Variants in PCNX1 observed in about 807,000 individuals in gnomAD.
PCNX1 encodes pecanex 1.
A neutral mutation model predicts 242.2 loss-of-function variants in PCNX1; 78 were observed. That is an observed-to-expected ratio of 0.32 (90% confidence interval 0.27 to 0.39). The LOEUF is 0.39. Among genes scored for constraint, PCNX1 ranks in the 10% least tolerant of loss-of-function variants. PCNX1 has a pLI of 1.00. For synonymous variants in PCNX1, 1,024 were observed against 1,032.9 expected (o/e 0.99, Z 0.17); for missense variants, 2,581 against 2,856.5 (o/e 0.90, Z 2.20).
chr14:71,045,948 A>G (rs1037729137), intron 20 of PCNX1, among the ~76,000 whole-genome samples: 4 of 152,092 alleles, frequency 2.6e-5, no homozygotes, highest in African/African-American at 9.7e-5. Context: ...TCTGTAATAT[A>G]TTGTACTTCC....
At chr14:70,996,809 A>T (rs1433658687) in intron 8 of PCNX1, among the ~76,000 whole-genome samples, 1 of 152,162 alleles carries the variant, frequency 6.6e-6, no homozygotes, top group East Asian at 1.9e-4. Context: ...TTACTGTTTC[A>T]ACTGGAAGGA....
At chr14:71,074,633 C>G (rs1314331871) in intron 27 of PCNX1, among the ~76,000 whole-genome samples, 1 of 152,174 alleles carries the variant, frequency 6.6e-6, no homozygotes, top group African/African-American at 2.4e-5. Context: ...GGTGTCCTGT[C>G]ACGTAGGCAT....
intron 32 of PCNX1, among the ~76,000 whole-genome samples, chr14:71,103,939 C>T (rs1188396969): frequency 6.6e-6 from 1 of 152,036 alleles, no homozygotes; most frequent in Admixed American, 6.6e-5. Context: ...ATTTTTTTAA[C>T]TTTCTGTTGT....
At position 70,952,987 on chromosome 14, in the gene PCNX1, G is replaced by T. The variant is rs1007981835; in HGVS notation, c.362+5864G>T. Among the ~76,000 whole-genome samples the T allele has an allele frequency of 3.9e-5, 6 of 152,286 alleles. No individual in the cohort carries two copies. The East Asian group carries it at 1.2e-3, about 29-fold the overall frequency. ...TTTGGGATTTAAAAGAAGAAAATTGGCTGGGCAAGGTGGCTCCTGCCTGTA... is the reference window on the plus strand; with the variant it reads ...TTTGGGATTTAAAAGAAGAAAATTGTCTGGGCAAGGTGGCTCCTGCCTGTA... On this transcript the variant is annotated intron_variant, in intron 2 of 35. Coordinates refer to ENST00000304743, the MANE Select transcript of PCNX1 (RefSeq NM_014982.3).
At chr14:70,934,377 ATATT>A (rs968222651) in intron 1 of PCNX1, among the ~76,000 whole-genome samples, 2 of 143,650 alleles carry the variant, frequency 1.4e-5, no homozygotes, top group African/African-American at 5.1e-5. Context: ...ACAAAGTGAA[ATATT>A]TATCCATCTA....
chr14:71,030,038 A>T (rs768573255), intron 16 of PCNX1, among the ~76,000 whole-genome samples: 2 of 152,218 alleles, frequency 1.3e-5, no homozygotes, highest in Non-Finnish European at 2.9e-5. Context: ...AAATACCTAG[A>T]AATGGAATTA....
intron 28 of PCNX1, among the ~76,000 whole-genome samples, chr14:71,079,217 T>C (rs1366798931): frequency 1.3e-5 from 2 of 152,204 alleles, no homozygotes; most frequent in South Asian, 2.1e-4. Flanking sequence ...CCATGTTGTA[T>C]ATGTGTCACA....
rs35806656 is a variant in PCNX1 at position 70,933,292 on chromosome 14, G to T, written c.154-13623G>T. The stretch of plus-strand genomic sequence containing the variant: ...TAGTTGGCATGTATGAAGGAGAAGA[G>T]CTTGATGACCTTTTGTTTGGGTTAT... On this transcript the variant is annotated intron_variant, in intron 1 of 35. Transcript: ENST00000304743. 2.8e-4 allele frequency among the ~76,000 whole-genome samples: 42 copies of T among 152,236 alleles called. 1 individual carries two copies. The highest frequency in any genetic ancestry group is 3.4e-3 in the Middle Eastern group (1 of 294).
chr14:71,109,909 G>A lies in PCNX1; in HGVS notation c.7000G>A (p.Val2334Ile), dbSNP rs768861333. 1 of 1,613,266 alleles carries A rather than the reference G, an allele frequency of 6.2e-7. No homozygotes were observed. The change falls in exon 36 of 36, where the codon GTA (valine) becomes ATA (isoleucine). Residue 2334 changes from valine to isoleucine, a missense_variant. By Grantham distance (29) the Val-to-Ile change is conservative. Transcript: ENST00000304743. ...DKYVTVIETG[V>I]LELGAEV is the part of the protein sequence containing the mutation. ...ATATGTGACTGTAATTGAAACTGGG[G>A]TACTAGAACTTGGGGCTGAAGTGTG...
intron 4 of PCNX1, among the ~76,000 whole-genome samples, chr14:70,968,454 A>T (rs558473280): frequency 5.9e-5 from 9 of 152,336 alleles, no homozygotes; most frequent in African/African-American, 2.2e-4. Flanking sequence ...GACCACTTAC[A>T]TTACATTGCG....
intron 16 of PCNX1, 107 bp from the exon 17 acceptor site, chr14:71,033,322 T>C: frequency 6.9e-6 from 4 of 582,756 alleles, no homozygotes; most frequent in Non-Finnish European, 1.2e-5. Context: ...TAAAAACTTT[T>C]GTTGAATTTA....
At chr14:71,085,989 G>A (rs559564690) in intron 28 of PCNX1, among the ~76,000 whole-genome samples, 4 of 152,194 alleles carry the variant, frequency 2.6e-5, no homozygotes, top group South Asian at 2.1e-4. Context: ...GCTCCCTGAC[G>A]CCCTGTTCAT....
chr14:71,024,991 GTA>G (rs1184870174), intron 13 of PCNX1, among the ~76,000 whole-genome samples: 6 of 152,118 alleles, frequency 3.9e-5, no homozygotes, highest in African/African-American at 1.4e-4. Context: ...CCCTGAGATT[GTA>G]TATGTGTCCT....
chr14:70,984,191 T>C (rs1263095906), intron 6 of PCNX1, among the ~76,000 whole-genome samples: 1 of 151,362 alleles, frequency 6.6e-6, no homozygotes, highest in Non-Finnish European at 1.5e-5. Flanking sequence ...TTTCGTGATC[T>C]TTCCAGATTT....
chr14:70,959,981 T>A (rs1212823115), intron 2 of PCNX1, among the ~76,000 whole-genome samples: 1 of 126,510 alleles, frequency 7.9e-6, no homozygotes, highest in African/African-American at 3.0e-5. Flanking sequence ...TGATGGCCAG[T>A]GATGGTGAGC....
intron 2 of PCNX1, among the ~76,000 whole-genome samples, chr14:70,955,078 C>G (rs1038836879): frequency 2.0e-5 from 3 of 152,186 alleles, no homozygotes; most frequent in African/African-American, 7.2e-5. Context: ...TCATTGGTCT[C>G]TCTTTTATGT....
rs1321244985 is a variant in PCNX1, at chr14:70,976,948, C to T, written c.611C>T (p.Ala204Val). Residue 204 changes from alanine (A) to valine (V), a missense_variant, in exon 6 of 36, where the codon GCA (alanine) becomes GTA (valine). Ala to Val is a moderately conservative substitution (Grantham distance 64). This residue lies in a region of PCNX1 where 1,204 missense variants were observed against 1,216.7 expected (regional missense o/e 0.99). Coordinates refer to ENST00000304743, the MANE Select transcript of PCNX1 (RefSeq NM_014982.3). ...CKEGSEEQDL[A>V]ADRKLFRLVS... ...AAATATGTGTTTGAAACAGATTTGG[C>T]AGCTGATCGGAAGCTCTTTCGTCTT... 1 of 1,609,706 alleles carries T rather than the reference C, an allele frequency of 6.2e-7. No individual in the cohort carries two copies. The highest frequency in any genetic ancestry group is 2.2e-5 in the East Asian group (1 of 44,824).
rs1469850268 is a variant in PCNX1 at position 70,977,665 on chromosome 14, G to C, written c.1328G>C (p.Cys443Ser). 2 of 1,614,014 alleles carry C rather than the reference G, an allele frequency of 1.2e-6. No homozygotes were observed. Among genetic ancestry groups the C allele is most frequent in the Non-Finnish European group, 1.7e-6 (2 of 1,180,036 alleles). The change falls in exon 6 of 36, where the codon TGT becomes TCT. Residue 443 changes from cysteine (C) to serine (S), a missense_variant. By Grantham distance (112) the Cys-to-Ser change is moderately radical. This residue lies in a region of PCNX1 where 1,204 missense variants were observed against 1,216.7 expected (regional missense o/e 0.99). Transcript: ENST00000304743. The part of the protein sequence containing the change: ...CCAGPEEKNS[C>S]ASDKRTSSEK... The stretch of plus-strand genomic sequence containing the variant: ...GCAGGCCCAGAGGAGAAGAATAGCT[G>C]TGCCAGTGACAAAAGGACTAGCAGT...
intron 6 of PCNX1, among the ~76,000 whole-genome samples, chr14:70,983,182 A>T (rs954195366): frequency 9.2e-5 from 14 of 152,356 alleles, no homozygotes; most frequent in African/African-American, 2.9e-4. Context: ...ACAAAGGACT[A>T]AAAAGGATTA....
Sources: gnomAD v4.1 joint callset for allele counts (sites outside exome capture counted in the v4.1 genomes callset) on GRCh38, gnomAD v4.1.1 for gene constraint, gnomAD v4.1.1 regional missense constraint, MANE v1.5 for transcripts, NCBI Gene and HGNC (gene_info 2026-07-23, HGNC 2026-07-21) for gene names.